The following OXR1 variants were observed in gnomAD, a reference collection of about 807,000 sequenced individuals.
OXR1 encodes the protein oxidation resistance protein 1.
OXR1 carries 41 observed loss-of-function variants against 104.6 expected under a neutral mutation model. The ratio of observed to expected loss-of-function variants is 0.39; its 90% confidence interval spans 0.31 to 0.51. The LOEUF is 0.51. Ranked by LOEUF, OXR1 falls within the 20% of genes least tolerant of loss-of-function variation. The pLI is 0.77. For missense variants in OXR1, 955 were observed against 1,031.9 expected (o/e 0.93, Z 1.02); for synonymous variants, 348 against 348.4 (o/e 1.00, Z 0.01).
intron 3 of OXR1, among the ~76,000 whole-genome samples, chr8:106,536,384 G>T (rs983092120): frequency 6.6e-6 from 1 of 152,084 alleles, no homozygotes; most frequent in Admixed American, 6.6e-5. Context: ...GCTTTGAGTA[G>T]CAAGGCTATG....
At chr8:106,676,415 T>C (rs1022003356) in intron 3 of OXR1, among the ~76,000 whole-genome samples, 1 of 152,202 alleles carries the variant, frequency 6.6e-6, no homozygotes, top group African/African-American at 2.4e-5. Flanking sequence ...GTCTGTGTAC[T>C]TCATTGTGTT....
intron 2 of OXR1, among the ~76,000 whole-genome samples, chr8:106,478,062 A>G (rs1008955043): frequency 6.6e-6 from 1 of 151,896 alleles, no homozygotes; most frequent in South Asian, 2.1e-4. Context: ...TGATTGATAC[A>G]ATATTTATTC....
chr8:106,317,875 A>G (rs1554622305), intron 1 of OXR1, among the ~76,000 whole-genome samples: 1 of 151,684 alleles, frequency 6.6e-6, no homozygotes, highest in Non-Finnish European at 1.5e-5. Flanking sequence ...TTTTTTTGGT[A>G]TTCAGCCACA....
chr8:106,688,921 G>A (rs765178493), intron 6 of OXR1, among the ~76,000 whole-genome samples: 2 of 152,058 alleles, frequency 1.3e-5, no homozygotes, highest in South Asian at 2.1e-4. Flanking sequence ...TTAAATATAT[G>A]TGTCACAATT....
At chr8:106,336,120 A>T (rs1814953123) in intron 1 of OXR1, among the ~76,000 whole-genome samples, 1 of 152,174 alleles carries the variant, frequency 6.6e-6, no homozygotes, top group Non-Finnish European at 1.5e-5. Context: ...TAGAAATAAA[A>T]AGGCTAATTT....
At chr8:106,684,545 T>C (rs1320118724) in intron 6 of OXR1, among the ~76,000 whole-genome samples, 186 bp downstream of exon 6, 1 of 152,206 alleles carries the variant, frequency 6.6e-6, no homozygotes, top group African/African-American at 2.4e-5. Context: ...ATAGCTTAAA[T>C]TGACTTACCT....
intron 3 of OXR1, among the ~76,000 whole-genome samples, chr8:106,519,503 T>C (rs1257067029): frequency 2.6e-5 from 4 of 152,258 alleles, no homozygotes; most frequent in Non-Finnish European, 5.9e-5. Flanking sequence ...TTCTTGTTTT[T>C]TGTTTTTGTT....
chr8:106,472,470 A>T (rs76294823), intron 2 of OXR1, among the ~76,000 whole-genome samples: 3,016 of 151,906 alleles, frequency 0.02, 61 homozygotes, highest in East Asian at 0.081. Context: ...CTTTACTTCA[A>T]ATACTGTACA....
At chr8:106,545,282 G>A (rs1336363161) in intron 3 of OXR1, among the ~76,000 whole-genome samples, 1 of 152,180 alleles carries the variant, frequency 6.6e-6, no homozygotes, top group Non-Finnish European at 1.5e-5. Context: ...TAATGTGATT[G>A]ATTGTCTGAA....
At chr8:106,306,999 G>T (rs1388080738) in intron 1 of OXR1, among the ~76,000 whole-genome samples, 1 of 152,314 alleles carries the variant, frequency 6.6e-6, no homozygotes, top group East Asian at 1.9e-4. Context: ...AGAAGCACTT[G>T]TAGCTTCACC....
chr8:106,670,076 G>C (rs1826779305), intron 3 of OXR1, among the ~76,000 whole-genome samples: 1 of 152,132 alleles, frequency 6.6e-6, no homozygotes, highest in Non-Finnish European at 1.5e-5. Flanking sequence ...CCTGAAACAG[G>C]AACTGAGAGA....
intron 2 of OXR1, among the ~76,000 whole-genome samples, chr8:106,486,683 G>A (rs936883579): frequency 3.3e-5 from 5 of 151,964 alleles, no homozygotes; most frequent in Non-Finnish European, 5.9e-5. Flanking sequence ...AAGAGTTTTT[G>A]AGATTTCTTG....
intron 2 of OXR1, among the ~76,000 whole-genome samples, chr8:106,475,415 A>C (rs1355295326): frequency 6.6e-6 from 1 of 151,872 alleles, no homozygotes; most frequent in Non-Finnish European, 1.5e-5. Flanking sequence ...TAGGCTGAGG[A>C]GGAGGAGGAA....
chr8:106,560,405 C>G (rs1171985990), intron 3 of OXR1, among the ~76,000 whole-genome samples: 1 of 152,338 alleles, frequency 6.6e-6, no homozygotes, highest in East Asian at 1.9e-4. Context: ...AGCACCAACA[C>G]TCCCTACTTA....
intron 2 of OXR1, among the ~76,000 whole-genome samples, chr8:106,362,984 A>T (rs1816310987): frequency 6.6e-6 from 1 of 152,180 alleles, no homozygotes; most frequent in Non-Finnish European, 1.5e-5. Flanking sequence ...TTTTTGACCC[A>T]AATTATTTTT....
chr8:106,691,124 C>T (rs1207208639), intron 6 of OXR1, among the ~76,000 whole-genome samples: 1 of 151,846 alleles, frequency 6.6e-6, no homozygotes, highest in Non-Finnish European at 1.5e-5. Flanking sequence ...AAATCATTTG[C>T]CCTAGCAATG....
chr8:106,625,589 T>C (rs986472443), intron 3 of OXR1, among the ~76,000 whole-genome samples: 1 of 152,222 alleles, frequency 6.6e-6, no homozygotes. Context: ...TGTTGGTCAC[T>C]GTCAGATTTA....
At chr8:106,512,383 A>C (rs1812590278) in intron 2 of OXR1, among the ~76,000 whole-genome samples, 1 of 152,184 alleles carries the variant, frequency 6.6e-6, no homozygotes, top group Non-Finnish European at 1.5e-5. Flanking sequence ...CCCATATGCT[A>C]TAGTGGGTTT....
At position 106,745,929 on chromosome 8, in the gene OXR1, T is replaced by C. The variant is rs3737337; in HGVS notation, c.2486+67T>C. On this transcript the variant is annotated intron_variant, in intron 16 of 16. Coordinates refer to ENST00000517566, the MANE Select transcript of OXR1 (RefSeq NM_001198533.2). ...TTTAAAAATGCATTTGGATTATTTA[T>C]AAATTCAGTTGTCTTTAGAAAGTGT... 1,292 of 848,042 alleles carry C rather than the reference T, an allele frequency of 1.5e-3. 10 individuals carry two copies. In the East Asian group the frequency reaches 0.022, roughly 15 times the overall value. 52.5% of individuals were successfully genotyped at this position (848,042 alleles called of 1,614,324 possible).
Sources: allele counts gnomAD v4.1 joint callset (sites outside exome capture counted in the v4.1 genomes callset), GRCh38; gene constraint gnomAD v4.1.1; transcripts MANE v1.5; gene names NCBI Gene and HGNC (gene_info 2026-07-23, HGNC 2026-07-21).